The following ARMC3 variants were observed in gnomAD, a reference collection of about 807,000 sequenced individuals.
ARMC3 encodes armadillo repeat-containing protein 3.
ARMC3 carries 74 observed loss-of-function variants against 90.3 expected under a neutral mutation model. That is an observed-to-expected ratio of 0.82 (90% CI 0.68 to 0.99). ARMC3 has a LOEUF of 0.99. Among genes scored for constraint, ARMC3 ranks in the 50% least tolerant of loss-of-function variants. The probability of loss-of-function intolerance (pLI) is 0.00; values close to 1 mark genes in which losing one functional copy is unlikely to be tolerated. For missense variants in ARMC3, 958 were observed against 1,042.8 expected, an observed-to-expected ratio of 0.92 and a Z score of 1.12; for synonymous variants, 334 against 361.8, an observed-to-expected ratio of 0.92 and a Z score of 0.87.
intron 2 of ARMC3, among the ~76,000 whole-genome samples, chr10:22,939,983 A>T (rs1311679654): frequency 6.6e-6 from 1 of 152,240 alleles, no homozygotes; most frequent in African/African-American, 2.4e-5. Flanking sequence ...ACAAAAAGTG[A>T]TTGTCCAACT....
chr10:22,970,399 CGTG>C (rs1191757476), intron 8 of ARMC3, among the ~76,000 whole-genome samples: 1 of 152,060 alleles, frequency 6.6e-6, no homozygotes, highest in Non-Finnish European at 1.5e-5. Flanking sequence ...AGGCTATGGA[CGTG>C]GTGAGGAGCC....
chr10:23,016,838 C>T (rs965906860), intron 16 of ARMC3, among the ~76,000 whole-genome samples: 6 of 152,178 alleles, frequency 3.9e-5, no homozygotes, highest in Admixed American at 6.5e-5. Context: ...TCAGGCAGCA[C>T]GCTCTGTGAG....
intron 11 of ARMC3, among the ~76,000 whole-genome samples, chr10:23,000,980 A>T (rs1317944726): frequency 6.6e-6 from 1 of 152,212 alleles, no homozygotes; most frequent in Non-Finnish European, 1.5e-5. Flanking sequence ...AATGTAATTA[A>T]TGAAGTTCTA....
At chr10:22,995,464 C>T (rs16922888) in intron 10 of ARMC3, among the ~76,000 whole-genome samples, 6,696 of 152,180 alleles carry the variant, frequency 0.044, 497 homozygotes, top group African/African-American at 0.15. Flanking sequence ...TGTGCCTGCA[C>T]GACTCATCTT....
chr10:22,994,240 G>T (rs1836849487), intron 10 of ARMC3, among the ~76,000 whole-genome samples: 1 of 152,194 alleles, frequency 6.6e-6, no homozygotes, highest in African/African-American at 2.4e-5. Context: ...GAAATGGGAA[G>T]AGCGCAGGGG....
At chr10:23,031,061 C>T (rs1838908821) in intron 17 of ARMC3, 13 of 358,892 alleles carry the variant, frequency 3.6e-5, no homozygotes, top group Admixed American at 8.5e-5. Flanking sequence ...AAGCATCTTT[C>T]AATGTGATCC....
chr10:22,989,436 A>G (rs769730381), intron 10 of ARMC3, among the ~76,000 whole-genome samples: 39 of 152,168 alleles, frequency 2.6e-4, no homozygotes, highest in Non-Finnish European at 3.7e-4. Context: ...TCTCATTGCT[A>G]TTATGGTTTC....
At chr10:22,973,537 A>T (rs557542506) in intron 8 of ARMC3, among the ~76,000 whole-genome samples, 2 of 150,872 alleles carry the variant, frequency 1.3e-5, no homozygotes, top group African/African-American at 4.8e-5. Context: ...AGGATAAACA[A>T]TGGATGGAAT....
chr10:22,961,920 G>T lies in ARMC3; in HGVS notation c.574G>T (p.Ala192Ser), dbSNP rs149454604. The change falls in exon 7 of 19, where the codon GCA (alanine) becomes TCA (serine). Residue 192 changes from alanine (A) to serine (S), a missense_variant. Ala to Ser is a moderately conservative substitution (Grantham distance 99). Transcript: ENST00000298032. Reference sequence around the variant, plus strand: ...TCGAGCTAAACTTCAAGAACTAAATGCAATACCTCCTATCTTAGATCTCTT... The same window carrying T: ...TCGAGCTAAACTTCAAGAACTAAATTCAATACCTCCTATCTTAGATCTCTT... ...QCRAKLQELNAIPPILDLLKS... is the reference protein window; with the variant it reads ...QCRAKLQELNSIPPILDLLKS... 163 of 1,609,204 alleles carry T rather than the reference G, an allele frequency of 1.0e-4. No homozygotes were observed. In the African/African-American group the frequency reaches 2.1e-3, roughly 20 times the overall value.
chr10:22,948,911 T>C (rs1182182207), intron 3 of ARMC3, among the ~76,000 whole-genome samples: 2 of 152,186 alleles, frequency 1.3e-5, no homozygotes, highest in Admixed American at 6.5e-5. Context: ...GAACAGCATG[T>C]ACATGTGAGG....
intron 11 of ARMC3, among the ~76,000 whole-genome samples, chr10:23,001,192 G>C (rs1837270307): frequency 6.6e-6 from 1 of 152,196 alleles, no homozygotes; most frequent in African/African-American, 2.4e-5. Context: ...CTTAGGGACT[G>C]TGTTAACTTC....
chr10:23,034,250 C>A (rs1233922646), intron 18 of ARMC3, among the ~76,000 whole-genome samples: 1 of 151,936 alleles, frequency 6.6e-6, no homozygotes, highest in African/African-American at 2.4e-5. Context: ...AGCTATTTTC[C>A]CCTTTAAAAT....
intron 16 of ARMC3, among the ~76,000 whole-genome samples, chr10:23,019,458 G>T (rs1335192505): frequency 1.3e-5 from 2 of 152,158 alleles, no homozygotes; most frequent in East Asian, 3.8e-4. Context: ...TCACAATCAG[G>T]ATACAAAACA....
At chr10:23,017,077 AT>A (rs34292439) in intron 16 of ARMC3, among the ~76,000 whole-genome samples, 3,160 of 149,494 alleles carry the variant, frequency 0.021, 111 homozygotes, top group African/African-American at 0.075. Context: ...CCAATTTATT[AT>A]TTTTTTTTTT....
At chr10:22,947,045 C>G (rs1247347437) in intron 3 of ARMC3, among the ~76,000 whole-genome samples, 1 of 151,960 alleles carries the variant, frequency 6.6e-6, no homozygotes. Flanking sequence ...GTGGTGCATG[C>G]TTTTAGTCCC....
chr10:22,951,657 C>G (rs1272495551), intron 3 of ARMC3, among the ~76,000 whole-genome samples: 1 of 151,958 alleles, frequency 6.6e-6, no homozygotes, highest in Non-Finnish European at 1.5e-5. Context: ...AAATAACATA[C>G]TTTTAAATGA....
chr10:22,969,152 T>A (rs947909905), intron 8 of ARMC3, among the ~76,000 whole-genome samples: 3 of 152,154 alleles, frequency 2.0e-5, no homozygotes, highest in African/African-American at 7.2e-5. Flanking sequence ...AAGTTTCAGC[T>A]GGAGTCTAGT....
At chr10:22,984,487 C>A (rs1019161289) in intron 10 of ARMC3, among the ~76,000 whole-genome samples, 3 of 151,900 alleles carry the variant, frequency 2.0e-5, no homozygotes, top group Non-Finnish European at 2.9e-5. Flanking sequence ...TTTTTGTAAT[C>A]TAAAAATAGA....
chr10:23,014,171 A>C (rs1403352437), intron 16 of ARMC3: 11 of 1,549,110 alleles, frequency 7.1e-6, no homozygotes, highest in Non-Finnish European at 9.6e-6. Flanking sequence ...TGAGGAGAAC[A>C]CAGAGACTTT....
Sources: allele counts gnomAD v4.1 joint callset (sites outside exome capture counted in the v4.1 genomes callset), GRCh38; gene constraint gnomAD v4.1.1; transcripts MANE v1.5; gene names NCBI Gene and HGNC (gene_info 2026-07-23, HGNC 2026-07-21).